Variants in ITGA2 observed in about 807,000 individuals in gnomAD.
ITGA2 encodes the protein integrin subunit alpha 2.
In ITGA2, 101 loss-of-function variants were observed where a neutral mutation model predicts 146.3. That is an observed-to-expected ratio of 0.69 (90% CI 0.59 to 0.81). ITGA2 has a LOEUF of 0.81. Ranked by LOEUF, ITGA2 falls within the 40% of genes least tolerant of loss-of-function variation. The probability of loss-of-function intolerance (pLI) is 0.00; values close to 1 mark genes in which losing one functional copy is unlikely to be tolerated. For synonymous variants in ITGA2, 477 were observed against 487.1 expected (o/e 0.98, Z 0.27); for missense variants, 1,281 against 1,402.7 (o/e 0.91, Z 1.39).
intron 10 of ITGA2, among the ~76,000 whole-genome samples, chr5:53,059,562 A>G (rs1249276506): frequency 6.6e-6 from 1 of 151,926 alleles, no homozygotes; most frequent in Non-Finnish European, 1.5e-5. Flanking sequence ...AGGGTTTACC[A>G]TTGGCAAATA....
At chr5:53,008,523 C>T (rs533692981) in intron 1 of ITGA2, among the ~76,000 whole-genome samples, 12 of 151,978 alleles carry the variant, frequency 7.9e-5, no homozygotes, top group African/African-American at 2.7e-4. Context: ...AAGTGACGCT[C>T]ATGTATTTCT....
intron 20 of ITGA2, among the ~76,000 whole-genome samples, chr5:53,073,944 T>TAAAAAA (rs376587596): frequency 1.5e-5 from 1 of 67,812 alleles, no homozygotes; most frequent in African/African-American, 4.8e-5. Flanking sequence ...TGAAGAAAAC[T>TAAAAAA]AAAAAAAAAA....
chr5:53,070,139 A>T lies in ITGA2; in HGVS notation c.2114A>T (p.Asp705Val). The change falls in exon 17 of 30, where the codon GAT becomes GTT. Residue 705 changes from aspartate to valine, a missense_variant. Coordinates refer to ENST00000296585, the MANE Select transcript of ITGA2 (RefSeq NM_002203.4). ...AIVYNITLDA[D>V]GFSSRVTSRG... Reference sequence around the variant, plus strand: ...GTATATAACATCACACTTGATGCAGATGGATTTTCATCCAGAGTAACCTCC... The same window carrying T: ...GTATATAACATCACACTTGATGCAGTTGGATTTTCATCCAGAGTAACCTCC... 2 of 1,611,322 alleles carry T rather than the reference A, an allele frequency of 1.2e-6. No individual in the cohort carries two copies. The highest frequency in any genetic ancestry group is 8.5e-7 in the Non-Finnish European group (1 of 1,178,078).
At chr5:53,049,852 G>GTTGACA (rs113759912) in intron 6 of ITGA2, among the ~76,000 whole-genome samples, 15,969 of 152,058 alleles carry the variant, frequency 0.11, 957 homozygotes, top group African/African-American at 0.16. Context: ...AATACAAATT[G>GTTGACA]TTGACATATT....
chr5:53,050,203 CT>C, intron 6 of ITGA2, among the ~76,000 whole-genome samples: 1 of 152,288 alleles, frequency 6.6e-6, no homozygotes, highest in South Asian at 2.1e-4. Flanking sequence ...CAGTCTTCCT[CT>C]TTTGTGTCTT....
chr5:53,046,969 A>T (rs889022168), intron 4 of ITGA2, among the ~76,000 whole-genome samples: 4 of 152,246 alleles, frequency 2.6e-5, no homozygotes, highest in Middle Eastern at 3.4e-3. Flanking sequence ...AAGTGATTTT[A>T]AAAAAAGCTT....
intron 2 of ITGA2, among the ~76,000 whole-genome samples, chr5:53,037,390 A>G (rs1020214995): frequency 6.6e-6 from 1 of 152,230 alleles, no homozygotes; most frequent in African/African-American, 2.4e-5. Flanking sequence ...AATTAAATCC[A>G]TTACTTCAAA....
intron 28 of ITGA2, chr5:53,089,584 C>G (rs1359288664): frequency 4.5e-6 from 1 of 220,926 alleles, no homozygotes; most frequent in Non-Finnish European, 9.0e-6. Flanking sequence ...GACTCCCTTC[C>G]CCAAAGCTGT....
chr5:53,023,147 G>T (rs1324739545), intron 1 of ITGA2, among the ~76,000 whole-genome samples: 1 of 152,226 alleles, frequency 6.6e-6, no homozygotes, highest in Non-Finnish European at 1.5e-5. Context: ...TTTATACTCT[G>T]GGTGATAATA....
chr5:53,077,264 G>A (rs995873507), intron 23 of ITGA2, among the ~76,000 whole-genome samples: 1 of 151,808 alleles, frequency 6.6e-6, no homozygotes, highest in Non-Finnish European at 1.5e-5. Context: ...ACCATCATAA[G>A]CAATGCTGCA....
At chr5:53,051,601 A>T in intron 7 of ITGA2, 42 bp downstream of exon 7, 2 of 1,561,896 alleles carry the variant, frequency 1.3e-6, no homozygotes, top group South Asian at 1.1e-5. Context: ...CATAATGTAA[A>T]ACATTATATT....
intron 7 of ITGA2, among the ~76,000 whole-genome samples, chr5:53,053,520 G>A (rs2974986): frequency 6.6e-6 from 1 of 152,242 alleles, no homozygotes; most frequent in Admixed American, 6.5e-5. Context: ...GGTGGGAGTA[G>A]CATTTTTCCC....
chr5:53,090,976 CTT>C lies in ITGA2; in HGVS notation c.*379_*380del, dbSNP rs373632695. 7 of 481,372 alleles carry C rather than the reference CTT, an allele frequency of 1.5e-5. No individual in the cohort carries two copies. The highest frequency in any genetic ancestry group is 1.4e-4 in the African/African-American group (7 of 51,266). 29.8% of individuals were successfully genotyped at this position (481,372 alleles called of 1,614,324 possible). On this transcript the variant is annotated 3_prime_UTR_variant, in exon 30 of 30. Coordinates refer to ENST00000296585, the MANE Select transcript of ITGA2 (RefSeq NM_002203.4). ...AGATTTTAAGGGGGAAAACTGTTCT[CTT>C]TAAAATATTTGTCTTTAAACAGCAA...
chr5:53,047,283 C>G (rs1302191668), intron 4 of ITGA2, among the ~76,000 whole-genome samples: 1 of 152,108 alleles, frequency 6.6e-6, no homozygotes. Flanking sequence ...TTTTTAGGAT[C>G]TTAATTAGAT....
intron 2 of ITGA2, among the ~76,000 whole-genome samples, chr5:53,029,766 A>G (rs1743136368): frequency 6.6e-6 from 1 of 152,208 alleles, no homozygotes; most frequent in African/African-American, 2.4e-5. Context: ...GATATCTGGC[A>G]CTGAGTAAAG....
At position 52,989,455 on chromosome 5, in the gene ITGA2, C is replaced by G. The variant is rs370965346; in HGVS notation, c.-14C>G. The G allele has an allele frequency of 2.0e-5, 33 of 1,614,018 alleles. No homozygotes were observed. Among genetic ancestry groups the G allele is most frequent in the Non-Finnish European group, 2.6e-5 (31 of 1,179,944 alleles). ...CAAACCCAGCGCAACTACGGTCCCC[C>G]GGTCAGACCCAGGATGGGGCCAGAA... On this transcript the variant is annotated 5_prime_UTR_variant, in exon 1 of 30. Coordinates refer to ENST00000296585, the MANE Select transcript of ITGA2 (RefSeq NM_002203.4).
intron 1 of ITGA2, 115 bp from the exon 2 acceptor site, chr5:53,026,633 A>G (rs3212667): frequency 1.9e-5 from 18 of 924,450 alleles, no homozygotes; most frequent in Non-Finnish European, 2.9e-5. Context: ...GTAAACGTTG[A>G]TAAGTAATAA....
intron 1 of ITGA2, among the ~76,000 whole-genome samples, chr5:52,996,357 A>G (rs1478674300): frequency 6.6e-6 from 1 of 152,174 alleles, no homozygotes; most frequent in East Asian, 1.9e-4. Context: ...TGACTATACA[A>G]AGGATATTAT....
chr5:53,047,065 A>G (rs2111906636), intron 4 of ITGA2, among the ~76,000 whole-genome samples: 1 of 152,352 alleles, frequency 6.6e-6, no homozygotes, highest in South Asian at 2.1e-4. Flanking sequence ...CTTCTAATTA[A>G]TTGGCAAAAT....
Sources: allele counts gnomAD v4.1 joint callset (sites outside exome capture counted in the v4.1 genomes callset), GRCh38; gene constraint gnomAD v4.1.1; transcripts MANE v1.5; gene names NCBI Gene and HGNC (gene_info 2026-07-23, HGNC 2026-07-21).